STARD13: variants seen among roughly 807,000 people sequenced by gnomAD.
The protein encoded by STARD13 is stAR-related lipid transfer protein 13.
STARD13 carries 62 observed loss-of-function variants against 106.4 expected under a neutral mutation model. The observed-to-expected ratio is 0.58, with a 90% CI of 0.48 to 0.72. STARD13 has a LOEUF of 0.72. STARD13 is among the 30% of genes least tolerant of loss of function. STARD13 has a pLI of 0.00. For missense variants in STARD13, 1,387 were observed against 1,424.0 expected (o/e 0.97, Z 0.42); for synonymous variants, 565 against 553.0 (o/e 1.02, Z -0.31).
intron 4 of STARD13, chr13:33,138,682 C>T (rs1644823623): frequency 6.5e-6 from 2 of 308,716 alleles, no homozygotes; most frequent in African/African-American, 2.2e-5. Context: ...GGGAATGCCG[C>T]GGGAGTGGAG....
the STARD13 span, among the ~76,000 whole-genome samples, chr13:33,491,306 G>C: frequency 6.6e-6 from 1 of 152,178 alleles, no homozygotes; most frequent in African/African-American, 2.4e-5. Flanking sequence ...TAGCTTAGGA[G>C]ACATTAATAT....
chr13:33,389,334 C>T, the STARD13 span, among the ~76,000 whole-genome samples: 2 of 151,998 alleles, frequency 1.3e-5, no homozygotes, highest in Non-Finnish European at 2.9e-5. Flanking sequence ...GAAGAATGAA[C>T]CCACTAATTG....
the STARD13 span, among the ~76,000 whole-genome samples, chr13:33,360,308 T>C: frequency 6.6e-6 from 1 of 151,524 alleles, no homozygotes; most frequent in African/African-American, 2.4e-5. Flanking sequence ...AGGTTCCAGC[T>C]ATTCTCCTGC....
chr13:33,318,471 AT>A (rs1319768364), intron 1 of STARD13, among the ~76,000 whole-genome samples: 1 of 152,214 alleles, frequency 6.6e-6, no homozygotes, highest in East Asian at 1.9e-4. Context: ...AGTTAAAGCT[AT>A]AAAACTCTTA....
the STARD13 span, among the ~76,000 whole-genome samples, chr13:33,506,097 C>T: frequency 2.6e-5 from 4 of 152,096 alleles, no homozygotes; most frequent in Non-Finnish European, 4.4e-5. Context: ...AAATACAGTG[C>T]AAATTTCACT....
the STARD13 span, among the ~76,000 whole-genome samples, chr13:33,598,002 C>T: frequency 1.3e-5 from 2 of 152,160 alleles, no homozygotes. Context: ...CTGAATGATG[C>T]TATTTGTTCT....
At chr13:33,172,640 C>T (rs1328192335) in intron 1 of STARD13, among the ~76,000 whole-genome samples, 1 of 152,150 alleles carries the variant, frequency 6.6e-6, no homozygotes, top group Non-Finnish European at 1.5e-5. Context: ...GTTCTCTTGG[C>T]TAAGCATTTT....
the STARD13 span, among the ~76,000 whole-genome samples, chr13:33,393,910 C>T: frequency 6.6e-6 from 1 of 152,212 alleles, no homozygotes; most frequent in African/African-American, 2.4e-5. Flanking sequence ...ACATATTCCT[C>T]TAAAATGATC....
chr13:33,189,699 C>G (rs971725560), intron 1 of STARD13, among the ~76,000 whole-genome samples: 6 of 151,738 alleles, frequency 4.0e-5, no homozygotes, highest in Non-Finnish European at 7.4e-5. Context: ...TAATCAGAAA[C>G]TTCAACGCCT....
the STARD13 span, among the ~76,000 whole-genome samples, chr13:33,590,304 A>T: frequency 2.0e-5 from 3 of 152,064 alleles, no homozygotes; most frequent in Admixed American, 2.0e-4. Context: ...TTCCTCAAGG[A>T]CCTAGAACTA....
At chr13:33,542,788 T>C in the STARD13 span, among the ~76,000 whole-genome samples, 1 of 151,828 alleles carries the variant, frequency 6.6e-6, no homozygotes, top group East Asian at 1.9e-4. Context: ...CCTCTTCCCG[T>C]CTCCCCAGCG....
At chr13:33,527,796 AT>A in the STARD13 span, among the ~76,000 whole-genome samples, 1 of 151,770 alleles carries the variant, frequency 6.6e-6, no homozygotes, top group Non-Finnish European at 1.5e-5. Flanking sequence ...AAATTTCCTG[AT>A]TTGCAAAGAA....
At chr13:33,141,297 G>C (rs1026182624) in intron 4 of STARD13, among the ~76,000 whole-genome samples, 8 of 152,194 alleles carry the variant, frequency 5.3e-5, no homozygotes, top group African/African-American at 1.9e-4. Flanking sequence ...CTAGCTGCAA[G>C]ATCGTGGGCA....
the STARD13 span, among the ~76,000 whole-genome samples, chr13:33,504,196 G>T: frequency 0.012 from 1,892 of 152,238 alleles, 34 homozygotes; most frequent in African/African-American, 0.043. Flanking sequence ...AGACAGTGTG[G>T]TGATTCCTCA....
At chr13:33,427,382 A>C in the STARD13 span, among the ~76,000 whole-genome samples, 2 of 152,222 alleles carry the variant, frequency 1.3e-5, no homozygotes, top group East Asian at 3.8e-4. Flanking sequence ...GGATGGTAGG[A>C]GCACTTTCAA....
chr13:33,497,044 A>T, the STARD13 span, among the ~76,000 whole-genome samples: 60 of 152,086 alleles, frequency 3.9e-4, no homozygotes, highest in African/African-American at 1.4e-3. Context: ...TCTTTATGGC[A>T]AGGAAAATAG....
At chr13:33,439,883 A>T in the STARD13 span, among the ~76,000 whole-genome samples, 2 of 152,248 alleles carry the variant, frequency 1.3e-5, no homozygotes, top group African/African-American at 4.8e-5. Context: ...GAATGATTTT[A>T]GGAACTACAC....
intron 5 of STARD13, among the ~76,000 whole-genome samples, chr13:33,127,884 TGAGA>T (rs1313175923): frequency 4.7e-5 from 7 of 149,564 alleles, no homozygotes; most frequent in African/African-American, 1.7e-4. Context: ...TGTGTGTATG[TGAGA>T]GAGAGAGAGA....
At chr13:33,150,216 T>TA (rs1242787504) in intron 3 of STARD13, among the ~76,000 whole-genome samples, 2 of 152,224 alleles carry the variant, frequency 1.3e-5, no homozygotes, top group Admixed American at 6.5e-5. Context: ...GTAGTTACAA[T>TA]AGACCTTGTA....
Sources: gnomAD v4.1 joint callset for allele counts (sites outside exome capture counted in the v4.1 genomes callset) on GRCh38, gnomAD v4.1.1 for gene constraint, MANE v1.5 for transcripts, NCBI Gene and HGNC (gene_info 2026-07-23, HGNC 2026-07-21) for gene names.